Variants in MYO10 observed in about 807,000 individuals in gnomAD.
MYO10 encodes the protein myosin X, also known as unconventional myosin-X.
A neutral mutation model predicts 257.3 loss-of-function variants in MYO10; 133 were observed. The ratio of observed to expected loss-of-function variants is 0.52; its 90% CI spans 0.45 to 0.60. The LOEUF (loss-of-function observed/expected upper bound fraction) is 0.60. Among genes scored for constraint, MYO10 ranks in the 20% least tolerant of loss-of-function variants. The pLI, the probability that MYO10 is intolerant of heterozygous loss-of-function variation, is 0.00. For missense variants in MYO10, 2,399 were observed against 2,635.7 expected, an observed-to-expected ratio of 0.91 and a Z score of 1.97; for synonymous variants, 1,104 against 1,028.6, an observed-to-expected ratio of 1.07 and a Z score of -1.40.
At position 16,682,086 on chromosome 5, in the gene MYO10, C is replaced by T; in HGVS notation, c.4047-73G>A. 4 of 1,528,666 alleles carry T rather than the reference C, an allele frequency of 2.6e-6. No individual in the cohort carries two copies. The South Asian group carries it at 4.8e-5, about 18-fold the overall frequency. The allele number at this position is 1,528,666 out of a possible 1,614,324, so 94.7% of individuals were successfully genotyped here. A position where few individuals can be genotyped will look rare whatever the true frequency, so the allele number is the denominator to read the frequency against. ...AGCATCACCTCTGTGTGAACCGAGA[C>T]TCAGTGCCTTCTTCCTGGCTTCTGG... On this transcript the variant is annotated intron_variant, in intron 30 of 40. Transcript: ENST00000513610.
At chr5:16,807,521 C>T (rs1380263500) in intron 3 of MYO10, among the ~76,000 whole-genome samples, 1 of 152,124 alleles carries the variant, frequency 6.6e-6, no homozygotes, top group Admixed American at 6.6e-5. Flanking sequence ...TTAAAGTTAT[C>T]CCCTACAGCT....
chr5:16,836,272 G>A (rs753878036), intron 2 of MYO10, among the ~76,000 whole-genome samples: 106 of 152,030 alleles, frequency 7.0e-4, no homozygotes, highest in Non-Finnish European at 1.3e-3. Flanking sequence ...AGGACAAAGG[G>A]GCTCTTACAC....
intron 1 of MYO10, among the ~76,000 whole-genome samples, chr5:16,878,205 G>A (rs1744659738): frequency 6.6e-6 from 1 of 152,116 alleles, no homozygotes; most frequent in Admixed American, 6.6e-5. Context: ...ATTCTCTTAG[G>A]TCAAAGTCCG....
chr5:16,895,897 AG>A (rs1745204545), intron 1 of MYO10, among the ~76,000 whole-genome samples: 1 of 152,088 alleles, frequency 6.6e-6, no homozygotes, highest in African/African-American at 2.4e-5. Context: ...CCTTAATGCA[AG>A]GGGGGCCCTG....
intron 18 of MYO10, among the ~76,000 whole-genome samples, chr5:16,757,143 A>AG (rs1560968145): frequency 6.8e-6 from 1 of 146,128 alleles, no homozygotes; most frequent in African/African-American, 2.6e-5. Flanking sequence ...AAAAAAAAAA[A>AG]GTCGGGTGTA....
At chr5:16,682,790 TAAAAATA>T (rs774666082) in intron 30 of MYO10, among the ~76,000 whole-genome samples, 2 of 150,520 alleles carry the variant, frequency 1.3e-5, no homozygotes, top group African/African-American at 2.4e-5. Context: ...AGGTGCCCCT[TAAAAATA>T]AAAAATAAAA....
In MYO10 at chr5:16,675,119, C is replaced by A; in HGVS notation, c.4698G>T (p.Gln1566His). ...LLKDKGYTTLQDEAIKIFNSL... is the reference protein window; with the variant it reads ...LLKDKGYTTLHDEAIKIFNSL... ...AATTGAATATCTTGATGGCCTCATCCTGAAGGGTGGTATAGCCTTTGTCTT... is the reference window on the plus strand; with the variant it reads ...AATTGAATATCTTGATGGCCTCATCATGAAGGGTGGTATAGCCTTTGTCTT... Residue 1566 changes from glutamine (Q) to histidine (H), a missense_variant, in exon 35 of 41, where the codon CAG becomes CAT. By Grantham distance (24) the Gln-to-His change is conservative. This residue lies in a region of MYO10 where 1,820 missense variants were observed against 1,939.4 expected (regional missense o/e 0.94). Transcript: ENST00000513610. The A allele has an allele frequency of 6.2e-7, 1 of 1,613,886 alleles. No homozygotes were observed. The highest frequency in any genetic ancestry group is 2.2e-5 in the East Asian group (1 of 44,870).
chr5:16,833,974 G>A (rs1287935829), intron 2 of MYO10, among the ~76,000 whole-genome samples: 3 of 152,058 alleles, frequency 2.0e-5, no homozygotes, highest in African/African-American at 7.2e-5. Context: ...CAATCACTTC[G>A]AGGACAAAAT....
chr5:16,863,982 C>T (rs1561025019), intron 2 of MYO10, among the ~76,000 whole-genome samples: 4 of 152,134 alleles, frequency 2.6e-5, no homozygotes. Flanking sequence ...CCTGCAGTCC[C>T]AGCTACTTGG....
At chr5:16,766,219 G>A (rs1218544978) in intron 10 of MYO10, 21 bp from the exon 11 acceptor site, 1 of 1,583,284 alleles carries the variant, frequency 6.3e-7, no homozygotes, top group Admixed American at 1.7e-5. Flanking sequence ...TAAGACAAAG[G>A]TGAATGAACC....
intron 17 of MYO10, among the ~76,000 whole-genome samples, 195 bp downstream of exon 17, chr5:16,761,269 G>A (rs1740705783): frequency 6.6e-6 from 1 of 152,160 alleles, no homozygotes; most frequent in African/African-American, 2.4e-5. Flanking sequence ...GGGATTACAG[G>A]CGTGAGCCAC....
At position 16,672,746 on chromosome 5, in the gene MYO10, A is replaced by C; in HGVS notation, c.5252T>G (p.Val1751Gly). Residue 1751 changes from valine (V) to glycine (G), a missense_variant, in exon 37 of 41, where the codon GTC (valine) becomes GGC (glycine). Val to Gly is a moderately radical substitution (Grantham distance 109, BLOSUM62 -3). This residue lies in a region of MYO10 where 1,820 missense variants were observed against 1,939.4 expected (regional missense o/e 0.94). Transcript: ENST00000513610. The part of the protein sequence containing the change: ...MFALFEYNGH[V>G]DKAIESRTVV... Reference sequence around the variant, plus strand: ...GGTTCGACTTTCAATGGCTTTGTCGACGTGGCCGTTGTATTCAAACAAAGC... The same window carrying C: ...GGTTCGACTTTCAATGGCTTTGTCGCCGTGGCCGTTGTATTCAAACAAAGC... The C allele has an allele frequency of 6.2e-7, 1 of 1,614,024 alleles. No individual in the cohort carries two copies. Among genetic ancestry groups the C allele is most frequent in the South Asian group, 1.1e-5 (1 of 91,082 alleles).
intron 1 of MYO10, among the ~76,000 whole-genome samples, chr5:16,891,509 G>A (rs1745060683): frequency 6.6e-6 from 1 of 152,082 alleles, no homozygotes; most frequent in Admixed American, 6.6e-5. Flanking sequence ...GAGTTTTGTG[G>A]GGGGTTTTCT....
At chr5:16,744,481 C>G (rs1740123113) in intron 19 of MYO10, among the ~76,000 whole-genome samples, 1 of 152,132 alleles carries the variant, frequency 6.6e-6, no homozygotes, top group Admixed American at 6.6e-5. Context: ...TGTGCGATAC[C>G]CTTCCCATGC....
At chr5:16,861,050 G>A (rs1744094292) in intron 2 of MYO10, among the ~76,000 whole-genome samples, 1 of 152,022 alleles carries the variant, frequency 6.6e-6, no homozygotes, top group South Asian at 2.1e-4. Context: ...ACATACCATG[G>A]CCTGAGTCTC....
chr5:16,760,094 GC>G (rs1223209972), intron 17 of MYO10, among the ~76,000 whole-genome samples: 1 of 152,058 alleles, frequency 6.6e-6, no homozygotes, highest in South Asian at 2.1e-4. Flanking sequence ...CAACACAGGT[GC>G]TGAAAGCTTT....
Position 16,681,465 on chromosome 5 carries a change from A to C in MYO10, c.4228T>G (p.Ser1410Ala). The C allele has an allele frequency of 1.2e-6, 2 of 1,612,668 alleles. No homozygotes were observed. The highest frequency in any genetic ancestry group is 1.7e-6 in the Non-Finnish European group (2 of 1,179,636). ...CACCGTTTCTTCAGTTTCAGTGAAGACATCTTTGGACTGTTCTTCACCTCT... is the reference window on the plus strand; with the variant it reads ...CACCGTTTCTTCAGTTTCAGTGAAGCCATCTTTGGACTGTTCTTCACCTCT... ...HKEVKNSPKM[S>A]SLKLKKRWFV... Residue 1410 changes from serine (S) to alanine (A), a missense_variant, in exon 32 of 41, where the codon TCT becomes GCT. Coordinates refer to ENST00000513610, the MANE Select transcript of MYO10 (RefSeq NM_012334.3).
At chr5:16,796,812 C>T (rs2126683717) in intron 3 of MYO10, among the ~76,000 whole-genome samples, 1 of 152,268 alleles carries the variant, frequency 6.6e-6, no homozygotes, top group African/African-American at 2.4e-5. Context: ...ATCCCAAGTA[C>T]TTAAGAATGT....
chr5:16,690,297 C>A (rs1737439370), intron 27 of MYO10, among the ~76,000 whole-genome samples: 1 of 152,150 alleles, frequency 6.6e-6, no homozygotes, highest in South Asian at 2.1e-4. Context: ...AGCAGGAACT[C>A]GAGCATCTGG....
Sources: allele counts gnomAD v4.1 joint callset (sites outside exome capture counted in the v4.1 genomes callset), GRCh38; gene constraint gnomAD v4.1.1; regional missense constraint gnomAD v4.1.1; transcripts MANE v1.5; gene names NCBI Gene and HGNC (gene_info 2026-07-23, HGNC 2026-07-21).